GARIN1A: variants seen among roughly 807,000 people sequenced by gnomAD.
The protein encoded by GARIN1A is golgi associated RAB2 interactor 1A.
At chr7:128,701,110 C>T in the GARIN1A span, among the ~76,000 whole-genome samples, 2 of 151,532 alleles carry the variant, frequency 1.3e-5, no homozygotes, top group African/African-American at 2.4e-5. Flanking sequence ...ACGTGGAACC[C>T]ACCCATATGG....
At chr7:128,682,620 C>T in the GARIN1A span, among the ~76,000 whole-genome samples, 4 of 152,082 alleles carry the variant, frequency 2.6e-5, no homozygotes, top group African/African-American at 7.2e-5. Context: ...CTCACTCTGT[C>T]ACGTAGGCTG....
At chr7:128,698,836 C>G in the GARIN1A span, among the ~76,000 whole-genome samples, 1 of 152,198 alleles carries the variant, frequency 6.6e-6, no homozygotes, top group Non-Finnish European at 1.5e-5. Context: ...ATCCGCCCCC[C>G]TCAGTCTCTC....
At chr7:128,676,491 CTT>C in the GARIN1A span, among the ~76,000 whole-genome samples, 6 of 151,496 alleles carry the variant, frequency 4.0e-5, no homozygotes, top group Admixed American at 1.3e-4. Flanking sequence ...GTTTCCATGT[CTT>C]TTAAAATCTT....
chr7:128,689,918 C>T, the GARIN1A span, among the ~76,000 whole-genome samples: 2 of 152,176 alleles, frequency 1.3e-5, no homozygotes, highest in African/African-American at 4.8e-5. Flanking sequence ...TACCCAACAG[C>T]TCATTGAGAA....
chr7:128,689,591 G>A, the GARIN1A span, among the ~76,000 whole-genome samples: 4 of 142,928 alleles, frequency 2.8e-5, no homozygotes, highest in South Asian at 2.3e-4. Context: ...GAGCCCCTCC[G>A]CCCGGCAGCC....
At chr7:128,699,898 G>A in the GARIN1A span, among the ~76,000 whole-genome samples, 1 of 152,036 alleles carries the variant, frequency 6.6e-6, no homozygotes, top group African/African-American at 2.4e-5. Context: ...ATATTTTTGA[G>A]TTTTATTTTT....
chr7:128,707,220 A>ATGTGTGTG, the GARIN1A span, among the ~76,000 whole-genome samples: 1,039 of 147,288 alleles, frequency 7.1e-3, 7 homozygotes, highest in Non-Finnish European at 8.9e-3. Flanking sequence ...GTGTGTATGT[A>ATGTGTGTG]TGTGTGTGTG....
chr7:128,694,869 A>G, the GARIN1A span, among the ~76,000 whole-genome samples: 1 of 152,220 alleles, frequency 6.6e-6, no homozygotes, highest in Non-Finnish European at 1.5e-5. Context: ...TGGAGTTCTG[A>G]AGGCTGAACT....
the GARIN1A span, among the ~76,000 whole-genome samples, chr7:128,681,644 G>A: frequency 2.6e-5 from 4 of 151,652 alleles, no homozygotes; most frequent in Non-Finnish European, 4.4e-5. Context: ...TGGGGCTACA[G>A]GCATGCACCA....
At chr7:128,704,759 T>C in the GARIN1A span, among the ~76,000 whole-genome samples, 1 of 152,158 alleles carries the variant, frequency 6.6e-6, no homozygotes, top group South Asian at 2.1e-4. Flanking sequence ...TAAATACAGA[T>C]GAAGCTTCAC....
chr7:128,703,540 C>G, the GARIN1A span, among the ~76,000 whole-genome samples: 1 of 152,146 alleles, frequency 6.6e-6, no homozygotes, highest in Non-Finnish European at 1.5e-5. Flanking sequence ...CCTATAATCC[C>G]AGCGCTTTGG....
At chr7:128,708,096 T>G in the GARIN1A span, among the ~76,000 whole-genome samples, 1 of 152,030 alleles carries the variant, frequency 6.6e-6, no homozygotes, top group Non-Finnish European at 1.5e-5. Flanking sequence ...CACTGCAGCC[T>G]TGCTTTCCCA....
the GARIN1A span, among the ~76,000 whole-genome samples, chr7:128,699,270 C>T: frequency 4.2e-5 from 6 of 143,586 alleles, no homozygotes; most frequent in Non-Finnish European, 9.4e-5. Context: ...GCCCCCCCCC[C>T]CCCACCACCA....
chr7:128,679,014 C>T, the GARIN1A span, among the ~76,000 whole-genome samples: 1 of 150,170 alleles, frequency 6.7e-6, no homozygotes. Context: ...ACTTATGTAA[C>T]GATTGTTACA....
At chr7:128,702,531 A>G in the GARIN1A span, among the ~76,000 whole-genome samples, 2,904 of 152,308 alleles carry the variant, frequency 0.019, 43 homozygotes, top group South Asian at 0.051. Flanking sequence ...GTTTTTATAC[A>G]TTATAAATAT....
chr7:128,683,301 A>C, the GARIN1A span: 1 of 621,986 alleles, frequency 1.6e-6, no homozygotes, highest in Non-Finnish European at 2.6e-6. Context: ...TCCACCAATA[A>C]ACTTCCAAGT....
chr7:128,677,282 C>T, the GARIN1A span, among the ~76,000 whole-genome samples: 8 of 150,616 alleles, frequency 5.3e-5, no homozygotes, highest in East Asian at 4.0e-4. Flanking sequence ...CCGAGGCGGG[C>T]GGATCACGAG....
chr7:128,673,834 A>C, the GARIN1A span, among the ~76,000 whole-genome samples: 2 of 152,136 alleles, frequency 1.3e-5, no homozygotes, highest in African/African-American at 2.4e-5. Context: ...ATAACATGGG[A>C]AGTCCAGTCT....
At chr7:128,687,195 A>T in the GARIN1A span, 2 of 152,230 alleles carry the variant, frequency 1.3e-5, no homozygotes, top group Non-Finnish European at 2.9e-5. Flanking sequence ...GCCTTGTATT[A>T]TAGCATTTTT....
Sources: allele counts gnomAD v4.1 joint callset (sites outside exome capture counted in the v4.1 genomes callset), GRCh38; gene constraint gnomAD v4.1.1; transcripts MANE v1.5; gene names NCBI Gene and HGNC (gene_info 2026-07-23, HGNC 2026-07-21).